The following PDE2A variants were observed in gnomAD, a reference collection of about 807,000 sequenced individuals.
The protein encoded by PDE2A is phosphodiesterase 2A.
A neutral mutation model predicts 133.6 loss-of-function variants in PDE2A; 53 were observed. That is an observed-to-expected ratio of 0.40 (90% CI 0.32 to 0.50). The LOEUF (loss-of-function observed/expected upper bound fraction) is 0.50. Among genes scored for constraint, PDE2A ranks in the 20% least tolerant of loss-of-function variants. The pLI, the probability that PDE2A is intolerant of heterozygous loss-of-function variation, is 0.73. For missense variants in PDE2A, 796 were observed against 1,232.4 expected (o/e 0.65, Z 5.30); for synonymous variants, 491 against 490.2 (o/e 1.00, Z -0.02).
chr11:72,596,250 GCGTA>G (rs1856472624), intron 6 of PDE2A, among the ~76,000 whole-genome samples: 1 of 152,098 alleles, frequency 6.6e-6, no homozygotes, highest in Non-Finnish European at 1.5e-5. Flanking sequence ...GGTTAGTGCT[GCGTA>G]CGCCAAAGGC....
chr11:72,581,814 A>G, intron 22 of PDE2A, 63 bp downstream of exon 22: 1 of 1,436,960 alleles, frequency 7.0e-7, no homozygotes, highest in South Asian at 1.1e-5. Context: ...TGCCGGGGGC[A>G]ACGGATGTGA....
chr11:72,584,173 C>T (rs1471248271), intron 19 of PDE2A, 28 bp downstream of exon 19: 1 of 1,131,224 alleles, frequency 8.8e-7, no homozygotes, highest in Non-Finnish European at 1.3e-6. Flanking sequence ...CCTATCACCC[C>T]ACACCCCACT....
At chr11:72,607,096 C>T (rs1857002693) in intron 3 of PDE2A, among the ~76,000 whole-genome samples, 1 of 152,172 alleles carries the variant, frequency 6.6e-6, no homozygotes. Context: ...GGGGGCTGAG[C>T]CCCTCCGTGC....
intron 1 of PDE2A, among the ~76,000 whole-genome samples, chr11:72,671,489 C>T (rs557027228): frequency 3.3e-5 from 5 of 152,156 alleles, no homozygotes; most frequent in South Asian, 4.1e-4. Flanking sequence ...CTCTTCCCCC[C>T]ACCCCCGCCC....
chr11:72,613,126 G>A lies in PDE2A; in HGVS notation c.145-4375C>T, dbSNP rs2128913. On this transcript the variant is annotated intron_variant, in intron 2 of 30. Transcript: ENST00000334456. ...AAGATCTTTCCTGTTTCATCTTCAT[G>A]AGTCTCTATGCCTTTCCCCATCTCC... Among the ~76,000 whole-genome samples, 654 of 152,244 alleles carry A rather than the reference G, an allele frequency of 4.3e-3. 21 individuals carry two copies. Among genetic ancestry groups the A allele is most frequent in the Admixed American group, 0.037 (561 of 15,298 alleles).
rs781206967 is a variant in PDE2A at position 72,605,239 on chromosome 11, G to A, written c.235-13C>T. On this transcript the variant is annotated splice_polypyrimidine_tract_variant and intron_variant, in intron 3 of 30. Coordinates refer to ENST00000334456, the MANE Select transcript of PDE2A (RefSeq NM_002599.5). ...TGTAGACAGTTTCCTAGGACAGAAG[G>A]CACTTATGAGACCCTGTGGAGAGGC... 4 of 1,574,476 alleles carry A rather than the reference G, an allele frequency of 2.5e-6. No individual in the cohort carries two copies. The highest frequency in any genetic ancestry group is 2.7e-5 in the African/African-American group (2 of 74,230).
At chr11:72,650,900 C>T (rs977546088) in intron 1 of PDE2A, among the ~76,000 whole-genome samples, 1 of 151,306 alleles carries the variant, frequency 6.6e-6, no homozygotes, top group South Asian at 2.1e-4. Flanking sequence ...CACACACACA[C>T]ACACACACAC....
intron 27 of PDE2A, 54 bp downstream of exon 27, chr11:72,579,230 C>T: frequency 1.5e-6 from 2 of 1,377,782 alleles, no homozygotes; most frequent in Non-Finnish European, 2.1e-6. Context: ...CCTGGCAAAT[C>T]CTTCCCCTGG....
intron 1 of PDE2A, among the ~76,000 whole-genome samples, chr11:72,661,320 A>G (rs1222649891): frequency 6.6e-6 from 1 of 152,012 alleles, no homozygotes; most frequent in Non-Finnish European, 1.5e-5. Flanking sequence ...ATAAATAAAT[A>G]CAGAAATAAA....
chr11:72,636,447 C>T, intron 2 of PDE2A, among the ~76,000 whole-genome samples: 2 of 152,194 alleles, frequency 1.3e-5, no homozygotes, highest in East Asian at 3.8e-4. Flanking sequence ...ATCTCAAGTT[C>T]CCATGTTACA....
intron 1 of PDE2A, chr11:72,668,885 CT>C: frequency 9.7e-7 from 1 of 1,033,666 alleles, no homozygotes; most frequent in Non-Finnish European, 1.2e-6. Context: ...TGTTTCAGGC[CT>C]CCTGGTCCCT....
intron 14 of PDE2A, 82 bp downstream of exon 14, chr11:72,585,988 G>T: frequency 1.2e-6 from 1 of 820,004 alleles, no homozygotes; most frequent in South Asian, 1.5e-5. Flanking sequence ...AGAAAGACAT[G>T]GGCATTTCCC....
intron 3 of PDE2A, among the ~76,000 whole-genome samples, chr11:72,607,332 C>T (rs1857011464): frequency 6.6e-6 from 1 of 152,174 alleles, no homozygotes; most frequent in South Asian, 2.1e-4. Flanking sequence ...TCCCACCCTA[C>T]GGCAGCCTCA....
intron 1 of PDE2A, chr11:72,668,478 C>T (rs1855301426): frequency 1.4e-6 from 1 of 704,546 alleles, no homozygotes. Flanking sequence ...TCTATCCCTG[C>T]TCCTACCTGC....
At chr11:72,616,417 G>A (rs1273313544) in intron 2 of PDE2A, among the ~76,000 whole-genome samples, 1 of 152,204 alleles carries the variant, frequency 6.6e-6, no homozygotes, top group East Asian at 1.9e-4. Context: ...TTGGAGGGCA[G>A]AGATTGTGTC....
chr11:72,604,340 T>C (rs1856880466), intron 4 of PDE2A, among the ~76,000 whole-genome samples: 1 of 152,196 alleles, frequency 6.6e-6, no homozygotes, highest in Admixed American at 6.5e-5. Context: ...CATGTGGCCT[T>C]GGTCATGTCT....
intron 2 of PDE2A, among the ~76,000 whole-genome samples, chr11:72,619,408 C>A (rs1857636296): frequency 6.6e-6 from 1 of 152,130 alleles, no homozygotes; most frequent in African/African-American, 2.4e-5. Context: ...ACCATCACAT[C>A]ATCATGGCAG....
chr11:72,654,958 G>A (rs561762202), intron 1 of PDE2A, among the ~76,000 whole-genome samples: 2 of 152,292 alleles, frequency 1.3e-5, no homozygotes, highest in East Asian at 3.9e-4. Context: ...GGGCAGGGCG[G>A]GATGGTAGCA....
At chr11:72,647,793 G>A (rs545657582) in intron 1 of PDE2A, among the ~76,000 whole-genome samples, 1 of 152,226 alleles carries the variant, frequency 6.6e-6, no homozygotes, top group Non-Finnish European at 1.5e-5. Flanking sequence ...TGTGTGTAAG[G>A]CTGCACACAG....
Sources: gnomAD v4.1 joint callset for allele counts (sites outside exome capture counted in the v4.1 genomes callset) on GRCh38, gnomAD v4.1.1 for gene constraint, MANE v1.5 for transcripts, NCBI Gene and HGNC (gene_info 2026-07-23, HGNC 2026-07-21) for gene names.